The following SLC13A2 variants were observed in gnomAD, a reference collection of about 807,000 sequenced individuals.
SLC13A2 encodes solute carrier family 13 member 2.
In SLC13A2, 40 loss-of-function variants were observed where a neutral mutation model predicts 58.5. That is an observed-to-expected ratio of 0.68 (90% CI 0.53 to 0.89). The LOEUF (loss-of-function observed/expected upper bound fraction) is 0.89. Among genes scored for constraint, SLC13A2 ranks in the 40% least tolerant of loss-of-function variants. The pLI is 0.00. For missense variants in SLC13A2, 694 were observed against 772.6 expected (o/e 0.90, Z 1.21); for synonymous variants, 341 against 331.6 (o/e 1.03, Z -0.31).
intron 1 of SLC13A2, among the ~76,000 whole-genome samples, chr17:28,484,048 G>T (rs1171771619): frequency 6.6e-6 from 1 of 152,144 alleles, no homozygotes; most frequent in African/African-American, 2.4e-5. Flanking sequence ...TACCCCTAGG[G>T]CCCACGTTCA....
intron 1 of SLC13A2, 71 bp downstream of exon 1, chr17:28,473,885 G>A (rs2068627423): frequency 1.5e-6 from 2 of 1,300,178 alleles, no homozygotes; most frequent in Admixed American, 1.9e-5. Context: ...CCGGGGTTGG[G>A]CATCCTTAGG....
chr17:28,475,281 G>A (rs2068651630), intron 1 of SLC13A2, among the ~76,000 whole-genome samples: 1 of 152,184 alleles, frequency 6.6e-6, no homozygotes, highest in African/African-American at 2.4e-5. Context: ...AGGAGCCCCT[G>A]TCTTCTGTGC....
chr17:28,479,349 T>A (rs2068743028), intron 1 of SLC13A2, among the ~76,000 whole-genome samples: 1 of 152,110 alleles, frequency 6.6e-6, no homozygotes, highest in Admixed American at 6.6e-5. Context: ...CCAGTGTGGC[T>A]TTGGGGGCTC....
At chr17:28,489,115 G>A (rs2068948180) in intron 1 of SLC13A2, 99 bp from the exon 2 acceptor site, 5 of 1,379,174 alleles carry the variant, frequency 3.6e-6, no homozygotes, top group Non-Finnish European at 5.0e-6. Context: ...GCTCTCCCCA[G>A]GCAGTCACAA....
Position 28,494,213 on chromosome 17 carries a change from C to G in SLC13A2, c.1186+108C>G. Reference sequence around the variant, plus strand: ...CAGGAGTAGGCAAAGCCCAGAAAGGCTGGAGCGACTTGCCAAGGGCACAGG... The same window carrying G: ...CAGGAGTAGGCAAAGCCCAGAAAGGGTGGAGCGACTTGCCAAGGGCACAGG... On this transcript the variant is annotated intron_variant, in intron 8 of 11. Transcript: ENST00000314669. The surrounding 1 kb of genome is among the most constrained non-coding windows in gnomAD (Gnocchi z 4.0). 6.8e-7 allele frequency: 1 copy of G among 1,471,996 alleles called. No individual in the cohort carries two copies. Among genetic ancestry groups the G allele is most frequent in the Non-Finnish European group, 9.4e-7 (1 of 1,060,366 alleles). The allele number at this position is 1,471,996 out of a possible 1,614,324, so 91.2% of individuals were successfully genotyped here. A position where few individuals can be genotyped will look rare whatever the true frequency, so the allele number is the denominator to read the frequency against.
At chr17:28,478,064 T>TA (rs111776506) in intron 1 of SLC13A2, among the ~76,000 whole-genome samples, 170 of 139,370 alleles carry the variant, frequency 1.2e-3, no homozygotes, top group Non-Finnish European at 1.6e-3. Context: ...TCTCAAAAAA[T>TA]AAAAAAAAAA....
At position 28,473,676 on chromosome 17, in the gene SLC13A2, G is replaced by C; in HGVS notation, c.-37G>C. On this transcript the variant is annotated 5_prime_UTR_variant, in exon 1 of 12. Transcript: ENST00000314669. ...TGGTCCTTCTGTTACCCAGCTCCTG[G>C]AGGCAGTGGCTGTAGCAGCCCTTGC... The C allele has an allele frequency of 2.6e-6, 4 of 1,526,646 alleles. No homozygotes were observed. Among genetic ancestry groups the C allele is most frequent in the Non-Finnish European group, 3.6e-6 (4 of 1,103,778 alleles). 94.6% of individuals were successfully genotyped at this position (1,526,646 alleles called of 1,614,324 possible). A position where few individuals can be genotyped will look rare whatever the true frequency, so the allele number is the denominator to read the frequency against.
rs557886154 is a variant in SLC13A2, at chr17:28,496,013, G to A, written c.1470+197G>A. On this transcript the variant is annotated intron_variant, in intron 10 of 11. Coordinates refer to ENST00000314669, the MANE Select transcript of SLC13A2 (RefSeq NM_003984.4). This position sits in a 1 kb window ranked among gnomAD's most constrained non-coding sequence, Gnocchi z 4.2. ...GGCGCTTTGGCCCCTGACTCACCCCGTCCCTCATGATGTCACCCCTGGAGT... is the reference window on the plus strand; with the variant it reads ...GGCGCTTTGGCCCCTGACTCACCCCATCCCTCATGATGTCACCCCTGGAGT... 2.4e-4 allele frequency among the ~76,000 whole-genome samples: 37 copies of A among 152,096 alleles called. No homozygotes were observed. The highest frequency in any genetic ancestry group is 5.8e-4 in the African/African-American group (24 of 41,490).
At position 28,494,000 on chromosome 17, in the gene SLC13A2, G is replaced by A. The variant is rs782709968; in HGVS notation, c.1098-17G>A. Reference sequence around the variant, plus strand: ...AAGCGGCTAACCCAGCCCTCCCCGCGCCCCCTCCACCAACAGCATGGTGTC... The same window carrying A: ...AAGCGGCTAACCCAGCCCTCCCCGCACCCCCTCCACCAACAGCATGGTGTC... On this transcript the variant is annotated splice_polypyrimidine_tract_variant and intron_variant, in intron 7 of 11. Transcript: ENST00000314669. 1.2e-5 allele frequency: 19 copies of A among 1,598,610 alleles called. No homozygotes were observed. The highest frequency in any genetic ancestry group is 5.0e-5 in the Admixed American group (3 of 59,934).
chr17:28,477,445 T>A (rs190453428), intron 1 of SLC13A2, among the ~76,000 whole-genome samples: 2 of 151,738 alleles, frequency 1.3e-5, no homozygotes, highest in Non-Finnish European at 1.5e-5. Flanking sequence ...CCGCCCGCCT[T>A]GGCCTCCCAA....
intron 6 of SLC13A2, 139 bp downstream of exon 6, chr17:28,491,991 T>C (rs1555603624): frequency 7.2e-6 from 9 of 1,250,774 alleles, no homozygotes; most frequent in Non-Finnish European, 9.8e-6. Flanking sequence ...CTCTGTGCAC[T>C]TGGACCCCCA....
At chr17:28,476,995 A>T (rs2068685499) in intron 1 of SLC13A2, among the ~76,000 whole-genome samples, 1 of 151,324 alleles carries the variant, frequency 6.6e-6, no homozygotes, top group African/African-American at 2.4e-5. Flanking sequence ...CGTCTCTATA[A>T]AAAAAAACAC....
rs782480235 is a variant in SLC13A2, at chr17:28,489,243, C to T, written c.132C>T (p.Leu44=). 15 of 1,614,058 alleles carry T rather than the reference C, an allele frequency of 9.3e-6. No homozygotes were observed. In the Middle Eastern group the frequency reaches 5.0e-4, roughly 53 times the overall value. Residue 44 remains leucine, a synonymous_variant, in exon 2 of 12, where the codon CTC becomes CTT. Coordinates refer to ENST00000314669, the MANE Select transcript of SLC13A2 (RefSeq NM_003984.4). The part of the protein sequence containing the change: ...KEAYCAYAII[L]MALFWCTEAL... The stretch of plus-strand genomic sequence containing the variant: ...CCTACTGCGCGTATGCCATCATCCT[C>T]ATGGCGCTCTTCTGGTGCACTGAGG...
chr17:28,497,246 A>G lies in SLC13A2; in HGVS notation c.1756A>G (p.Asn586Asp). 2.5e-6 allele frequency: 4 copies of G among 1,613,992 alleles called. No homozygotes were observed. Among genetic ancestry groups the G allele is most frequent in the Non-Finnish European group, 3.4e-6 (4 of 1,179,958 alleles). The change falls in exon 12 of 12, where the codon AAC becomes GAC. Residue 586 changes from asparagine (N) to aspartate (D), a missense_variant. Coordinates refer to ENST00000314669, the MANE Select transcript of SLC13A2 (RefSeq NM_003984.4). ...AGCCCAGTGCCTGCCAAGCCTGGCCAACACCACCACACCAAGCCCCTAGGC... is the reference window on the plus strand; with the variant it reads ...AGCCCAGTGCCTGCCAAGCCTGGCCGACACCACCACACCAAGCCCCTAGGC... ...TTAQCLPSLANTTTPSP is the reference protein window; with the variant it reads ...TTAQCLPSLADTTTPSP
At chr17:28,491,393 C>T (rs1555603349) in intron 4 of SLC13A2, 44 bp from the exon 5 acceptor site, 1 of 1,603,928 alleles carries the variant, frequency 6.2e-7, no homozygotes, top group East Asian at 2.2e-5. Context: ...TTCCCCAGAG[C>T]TGGCCCTGTA....
At chr17:28,474,545 C>A (rs2068639403) in intron 1 of SLC13A2, among the ~76,000 whole-genome samples, 1 of 152,158 alleles carries the variant, frequency 6.6e-6, no homozygotes, top group South Asian at 2.1e-4. Flanking sequence ...TCAGGCCTGA[C>A]TGTCCCATTT....
chr17:28,473,657 T>C lies in SLC13A2; in HGVS notation c.-56T>C. The C allele has an allele frequency of 7.2e-7, 1 of 1,382,514 alleles. No individual in the cohort carries two copies. Among genetic ancestry groups the C allele is most frequent in the Non-Finnish European group, 1.0e-6 (1 of 978,726 alleles). 85.6% of individuals were successfully genotyped at this position (1,382,514 alleles called of 1,614,324 possible). ...GCCTGCTTGGCTGCATCTTTGGTCC[T>C]TCTGTTACCCAGCTCCTGGAGGCAG... On this transcript the variant is annotated 5_prime_UTR_variant, in exon 1 of 12. Coordinates refer to ENST00000314669, the MANE Select transcript of SLC13A2 (RefSeq NM_003984.4).
At chr17:28,476,589 G>T (rs1478734368) in intron 1 of SLC13A2, among the ~76,000 whole-genome samples, 1 of 150,604 alleles carries the variant, frequency 6.6e-6, no homozygotes, top group Non-Finnish European at 1.5e-5. Flanking sequence ...TCCTCACATT[G>T]CTCTGGACTG....
chr17:28,490,564 C>T lies in SLC13A2; in HGVS notation c.342C>T (p.Leu114=). 3.1e-6 allele frequency: 5 copies of T among 1,607,600 alleles called. No individual in the cohort carries two copies. In the East Asian group the frequency reaches 1.1e-4, roughly 36 times the overall value. ...NLHKRIALRV[L]LIVGVRPAPL... The stretch of plus-strand genomic sequence containing the variant: ...ATAAACGCATCGCCCTCCGTGTCCT[C>T]CTCATCGTTGGGGTGCGGCCTGCCC... The change falls in exon 3 of 12, where the codon CTC becomes CTT. Residue 114 remains leucine, a synonymous_variant. Transcript: ENST00000314669.
Sources: gnomAD v4.1 joint callset for allele counts (sites outside exome capture counted in the v4.1 genomes callset) on GRCh38, gnomAD v4.1.1 for gene constraint, Gnocchi (gnomAD v3.1) non-coding constraint, MANE v1.5 for transcripts, NCBI Gene and HGNC (gene_info 2026-07-23, HGNC 2026-07-21) for gene names.